Variants in MTMR3 observed in about 807,000 individuals in gnomAD.
MTMR3 encodes myotubularin related protein 3.
A neutral mutation model predicts 132.4 loss-of-function variants in MTMR3; 32 were observed. The ratio of observed to expected loss-of-function variants is 0.24; its 90% CI spans 0.18 to 0.32. The LOEUF is 0.32. Among genes scored for constraint, MTMR3 ranks in the 10% least tolerant of loss-of-function variants. MTMR3 has a pLI of 1.00. For synonymous variants in MTMR3, 556 were observed against 550.3 expected, an observed-to-expected ratio of 1.01 and a Z score of -0.14; for missense variants, 1,216 against 1,489.6, an observed-to-expected ratio of 0.82 and a Z score of 3.02.
chr22:29,947,090 A>G (rs148983227), intron 1 of MTMR3, among the ~76,000 whole-genome samples: 52 of 152,360 alleles, frequency 3.4e-4, no homozygotes, highest in African/African-American at 1.2e-3. Flanking sequence ...ATTTTAACAT[A>G]TATACATGTT....
At chr22:29,976,843 T>G (rs564416578) in intron 3 of MTMR3, among the ~76,000 whole-genome samples, 151 of 152,338 alleles carry the variant, frequency 9.9e-4, no homozygotes, top group African/African-American at 3.5e-3. Flanking sequence ...ACCTTAAGTG[T>G]TGTTTATAGA....
At chr22:29,962,094 G>A (rs745506332) in intron 2 of MTMR3, among the ~76,000 whole-genome samples, 8 of 152,202 alleles carry the variant, frequency 5.3e-5, no homozygotes, top group Admixed American at 1.3e-4. Flanking sequence ...ATTGTTAAGC[G>A]AAGCTTGACT....
intron 1 of MTMR3, among the ~76,000 whole-genome samples, chr22:29,932,970 T>G (rs1464823746): frequency 1.3e-5 from 2 of 152,134 alleles, no homozygotes; most frequent in Non-Finnish European, 2.9e-5. Context: ...TATAAAATTT[T>G]AAAATTTTTA....
chr22:29,932,135 G>C (rs2065659006), intron 1 of MTMR3, among the ~76,000 whole-genome samples: 1 of 152,154 alleles, frequency 6.6e-6, no homozygotes, highest in African/African-American at 2.4e-5. Context: ...AGTTCTCTAA[G>C]TGCTTCTCTT....
intron 15 of MTMR3, chr22:30,017,365 A>G (rs1205906510): frequency 1.3e-5 from 2 of 155,194 alleles, no homozygotes; most frequent in African/African-American, 2.4e-5. Context: ...TTCCTGGACT[A>G]TTAATATGGT....
chr22:29,901,129 A>G (rs2064996079), intron 1 of MTMR3, among the ~76,000 whole-genome samples: 1 of 152,182 alleles, frequency 6.6e-6, no homozygotes, highest in Non-Finnish European at 1.5e-5. Context: ...AATTAGGAGA[A>G]GAGTCTCATT....
At chr22:29,896,902 C>CACACACACACACAT (rs1272446403) in intron 1 of MTMR3, among the ~76,000 whole-genome samples, 25 of 148,750 alleles carry the variant, frequency 1.7e-4, no homozygotes, top group Non-Finnish European at 2.8e-4. Flanking sequence ...CACACACACA[C>CACACACACACACAT]ATACACACAC....
At chr22:29,978,376 G>A (rs1218697836) in intron 3 of MTMR3, 66 bp from the exon 4 acceptor site, 1 of 1,248,626 alleles carries the variant, frequency 8.0e-7, no homozygotes, top group Non-Finnish European at 1.2e-6. Flanking sequence ...TAGCAGATAT[G>A]GCAGAAAAAC....
chr22:29,927,943 T>TC, intron 1 of MTMR3, among the ~76,000 whole-genome samples: 1 of 145,690 alleles, frequency 6.9e-6, no homozygotes, highest in Non-Finnish European at 1.5e-5. Context: ...GCCTTTGTTT[T>TC]TTTTTTTTTT....
At chr22:29,905,153 G>C (rs1195247363) in intron 1 of MTMR3, among the ~76,000 whole-genome samples, 1 of 151,994 alleles carries the variant, frequency 6.6e-6, no homozygotes, top group African/African-American at 2.4e-5. Flanking sequence ...TTTATCCTTG[G>C]TATACTTGGG....
At chr22:29,910,728 T>A (rs940165197) in intron 1 of MTMR3, among the ~76,000 whole-genome samples, 2 of 151,658 alleles carry the variant, frequency 1.3e-5, no homozygotes, top group African/African-American at 2.4e-5. Context: ...TTTTTTTTTT[T>A]AACCTGTTAA....
intron 5 of MTMR3, 69 bp downstream of exon 5, chr22:29,979,121 C>G: frequency 9.8e-7 from 1 of 1,024,046 alleles, no homozygotes; most frequent in Non-Finnish European, 1.5e-6. Context: ...TTAATGCTCT[C>G]AAAGAGAGGA....
At chr22:29,924,675 G>A (rs998215286) in intron 1 of MTMR3, among the ~76,000 whole-genome samples, 4 of 152,100 alleles carry the variant, frequency 2.6e-5, no homozygotes, top group Non-Finnish European at 5.9e-5. Context: ...ACAATATAAA[G>A]TCTTCCAATC....
rs547207421 is a variant in MTMR3 at position 29,939,261 on chromosome 22, G to A, written c.-137-17775G>A. Among the ~76,000 whole-genome samples, 198 of 152,284 alleles carry A rather than the reference G, an allele frequency of 1.3e-3. 2 individuals are homozygous for A. The highest frequency in any genetic ancestry group is 1.8e-3 in the Admixed American group (27 of 15,290). On this transcript the variant is annotated intron_variant, in intron 1 of 19. Transcript: ENST00000401950. ...TGTCCTAACTTAAGGTCTGGTTAAG[G>A]AGTGTCATGGTTCAAACTATTTTTA... is the stretch of plus-strand genomic sequence containing the variant.
intron 1 of MTMR3, among the ~76,000 whole-genome samples, chr22:29,902,506 A>G (rs1191208761): frequency 6.7e-6 from 1 of 149,652 alleles, no homozygotes; most frequent in African/African-American, 2.5e-5. Context: ...ACCTGGGACT[A>G]CAGGCGCCCA....
At chr22:29,997,156 G>A (rs1335808204) in intron 7 of MTMR3, 2 of 152,168 alleles carry the variant, frequency 1.3e-5, no homozygotes, top group African/African-American at 4.8e-5. Context: ...AAAATGGGAT[G>A]GATTTAGTTT....
chr22:29,893,925 A>G (rs2064844601), intron 1 of MTMR3, among the ~76,000 whole-genome samples: 1 of 152,156 alleles, frequency 6.6e-6, no homozygotes, highest in Non-Finnish European at 1.5e-5. Context: ...AGCTCACTGC[A>G]ACCTCCACCT....
At chr22:29,939,408 AAATT>A (rs1191942059) in intron 1 of MTMR3, among the ~76,000 whole-genome samples, 5 of 152,210 alleles carry the variant, frequency 3.3e-5, no homozygotes, top group Admixed American at 3.3e-4. Context: ...TAGACTTTTC[AAATT>A]AATCCTGAGT....
At position 30,009,149 on chromosome 22, in the gene MTMR3, T is replaced by C; in HGVS notation, c.1121+20T>C. 1.3e-6 allele frequency: 2 copies of C among 1,527,820 alleles called. No homozygotes were observed. The highest frequency in any genetic ancestry group is 1.8e-6 in the Non-Finnish European group (2 of 1,101,760). The allele number at this position is 1,527,820 out of a possible 1,614,324, so 94.6% of individuals were successfully genotyped here. A position where few individuals can be genotyped will look rare whatever the true frequency, so the allele number is the denominator to read the frequency against. On this transcript the variant is annotated intron_variant, in intron 12 of 19. Transcript: ENST00000401950. ...GGGAAAGTAAGTCCTTGGCCTTGGCTTTCATTTTGCATTGCTCTTAAATAA... is the reference window on the plus strand; with the variant it reads ...GGGAAAGTAAGTCCTTGGCCTTGGCCTTCATTTTGCATTGCTCTTAAATAA...
Sources: allele counts gnomAD v4.1 joint callset (sites outside exome capture counted in the v4.1 genomes callset), GRCh38; gene constraint gnomAD v4.1.1; transcripts MANE v1.5; gene names NCBI Gene and HGNC (gene_info 2026-07-23, HGNC 2026-07-21).